ZBBX: variants seen among roughly 807,000 people sequenced by gnomAD.
ZBBX encodes zinc finger B-box domain-containing protein 1.
In ZBBX, 101 loss-of-function variants were observed where a neutral mutation model predicts 108.5. The observed-to-expected ratio is 0.93, with a 90% CI of 0.79 to 1.10. The LOEUF (loss-of-function observed/expected upper bound fraction) is 1.10. Ranked by LOEUF, ZBBX falls within the 50% of genes least tolerant of loss-of-function variation. The pLI is 0.00. For synonymous variants in ZBBX, 356 were observed against 323.4 expected (o/e 1.10, Z -1.08); for missense variants, 1,009 against 941.4 (o/e 1.07, Z -0.94).
At chr3:167,351,062 A>G (rs1304124739) in intron 8 of ZBBX, among the ~76,000 whole-genome samples, 3 of 151,820 alleles carry the variant, frequency 2.0e-5, no homozygotes, top group Non-Finnish European at 4.4e-5. Context: ...TGGCTTTAAA[A>G]TTTTTCTTAC....
intron 2 of ZBBX, among the ~76,000 whole-genome samples, chr3:167,378,296 G>C (rs1029056498): frequency 6.6e-6 from 1 of 152,146 alleles, no homozygotes; most frequent in Admixed American, 6.5e-5. Flanking sequence ...CATTTTTTAT[G>C]CTCTATAGGC....
Position 167,328,021 on chromosome 3 carries a change from G to C in ZBBX, c.783C>G (p.Ser261=), listed in dbSNP as rs183709803. 6.1e-4 allele frequency: 988 copies of C among 1,612,772 alleles called. No individual in the cohort carries two copies. The highest frequency in any genetic ancestry group is 8.1e-4 in the Non-Finnish European group (951 of 1,179,720). ...GSFDEEASAQ[S]FQEVLSQWRT... Reference sequence around the variant, plus strand: ...TCCATTGACTTAACACTTCCTGAAAGGACTGTGCAGAAGCTTCTTCATCGA... The same window carrying C: ...TCCATTGACTTAACACTTCCTGAAACGACTGTGCAGAAGCTTCTTCATCGA... Residue 261 remains serine (S), a synonymous_variant, in exon 11 of 22, where the codon TCC becomes TCG. Coordinates refer to ENST00000675490, the MANE Select transcript of ZBBX (RefSeq NM_001199201.2).
intron 20 of ZBBX, among the ~76,000 whole-genome samples, chr3:167,257,079 T>C (rs1175419068): frequency 2.0e-5 from 3 of 152,154 alleles, no homozygotes; most frequent in African/African-American, 4.8e-5. Flanking sequence ...AACTAACTTA[T>C]GTTCCCACCA....
At chr3:167,378,221 T>G (rs555889216) in intron 2 of ZBBX, among the ~76,000 whole-genome samples, 110 of 152,252 alleles carry the variant, frequency 7.2e-4, no homozygotes, top group African/African-American at 2.6e-3. Context: ...ATTCAATCTT[T>G]CAGCCAAACA....
At chr3:167,291,630 T>C (rs1730707676) in intron 18 of ZBBX, among the ~76,000 whole-genome samples, 1 of 152,078 alleles carries the variant, frequency 6.6e-6, no homozygotes, top group South Asian at 2.1e-4. Context: ...ATTGACACTA[T>C]GAAGAAACTG....
In ZBBX at chr3:167,346,927, T is replaced by A. The variant is rs191533504; in HGVS notation, c.528+3493A>T. Among the ~76,000 whole-genome samples, 23 of 151,912 alleles carry A rather than the reference T, an allele frequency of 1.5e-4. No individual in the cohort carries two copies. The Admixed American group carries it at 1.5e-3, about 10-fold the overall frequency. On this transcript the variant is annotated intron_variant, in intron 9 of 21. Transcript: ENST00000675490. Reference sequence around the variant, plus strand: ...TGGCAGAGAGCTACAAGACAATTGATTAAAATCAAGAAATGATGACAGAGA... The same window carrying A: ...TGGCAGAGAGCTACAAGACAATTGAATAAAATCAAGAAATGATGACAGAGA...
chr3:167,238,824 A>G (rs1720337881), downstream of ZBBX, among the ~76,000 whole-genome samples: 1 of 152,096 alleles, frequency 6.6e-6, no homozygotes, highest in South Asian at 2.1e-4. Context: ...GACTCCCACC[A>G]ATATCAAAAT....
chr3:167,255,250 C>T (rs7652036), intron 20 of ZBBX, among the ~76,000 whole-genome samples: 7,630 of 151,916 alleles, frequency 0.05, 527 homozygotes, highest in African/African-American at 0.15. Flanking sequence ...ATGTCTGCTA[C>T]ATACAGAGGA....
intron 16 of ZBBX, among the ~76,000 whole-genome samples, chr3:167,307,477 G>A (rs1733848111): frequency 6.6e-6 from 1 of 152,038 alleles, no homozygotes; most frequent in African/African-American, 2.4e-5. Context: ...ACCAATGACA[G>A]TCAAGCTGAG....
At chr3:167,334,064 G>C (rs1374876066) in intron 9 of ZBBX, 79 bp from the exon 10 acceptor site, 1 of 929,688 alleles carries the variant, frequency 1.1e-6, no homozygotes, top group Admixed American at 3.0e-5. Flanking sequence ...TCATATTTGT[G>C]TTATTCTATG....
At chr3:167,304,942 G>T (rs1445509801) in intron 17 of ZBBX, among the ~76,000 whole-genome samples, 1 of 151,952 alleles carries the variant, frequency 6.6e-6, no homozygotes, top group East Asian at 1.9e-4. Context: ...TCATCCTTCT[G>T]CTTTTTTGCT....
chr3:167,389,866 C>A (rs1336537968), intron 1 of ZBBX, among the ~76,000 whole-genome samples: 1 of 151,670 alleles, frequency 6.6e-6, no homozygotes, highest in East Asian at 1.9e-4. Flanking sequence ...GGATATTAGA[C>A]CTTTGTTAGA....
At chr3:167,301,931 T>C (rs911651756) in intron 17 of ZBBX, among the ~76,000 whole-genome samples, 2 of 123,170 alleles carry the variant, frequency 1.6e-5, no homozygotes, top group Admixed American at 1.1e-4. Context: ...CACCCCAGCC[T>C]GGGCAACAGA....
At chr3:167,311,287 C>T (rs190421390) in intron 16 of ZBBX, among the ~76,000 whole-genome samples, 4 of 152,208 alleles carry the variant, frequency 2.6e-5, no homozygotes, top group African/African-American at 7.2e-5. Flanking sequence ...AGACCTTACA[C>T]CTTCACAAAA....
chr3:167,331,191 AG>A (rs71176638), intron 10 of ZBBX, among the ~76,000 whole-genome samples: 125,344 of 151,904 alleles, frequency 0.83, 51,821 homozygotes, highest in East Asian at 0.89. Context: ...AGGCTAATAA[AG>A]GTAACCAACT....
intron 20 of ZBBX, among the ~76,000 whole-genome samples, chr3:167,275,053 A>C (rs1727261992): frequency 6.6e-6 from 1 of 152,158 alleles, no homozygotes; most frequent in Non-Finnish European, 1.5e-5. Context: ...TGGTGGAAAA[A>C]CATTTATCTG....
chr3:167,306,317 G>T (rs561174857), intron 16 of ZBBX, among the ~76,000 whole-genome samples: 21 of 152,246 alleles, frequency 1.4e-4, no homozygotes, highest in Middle Eastern at 3.4e-3. Context: ...AACACAGGGG[G>T]AACATTTTTT....
chr3:167,320,601 T>C (rs1027813861), intron 12 of ZBBX, among the ~76,000 whole-genome samples: 4 of 152,022 alleles, frequency 2.6e-5, no homozygotes, highest in African/African-American at 9.7e-5. Context: ...ATGTATCATC[T>C]CAATGTGTCT....
chr3:167,392,070 C>T (rs974181234), intron 1 of ZBBX, among the ~76,000 whole-genome samples: 6 of 151,668 alleles, frequency 4.0e-5, no homozygotes, highest in Non-Finnish European at 7.4e-5. Flanking sequence ...CCACCTGAAG[C>T]TCCAAGAAAC....
Sources: allele counts gnomAD v4.1 joint callset (sites outside exome capture counted in the v4.1 genomes callset), GRCh38; gene constraint gnomAD v4.1.1; transcripts MANE v1.5; gene names NCBI Gene and HGNC (gene_info 2026-07-23, HGNC 2026-07-21).